Variants in HTR1E observed in about 807,000 individuals in gnomAD.
The protein encoded by HTR1E is 5-hydroxytryptamine receptor 1E, also known as 5-HT-1E.
HTR1E carries 3 observed loss-of-function variants against 3.4 expected under a neutral mutation model. The ratio of observed to expected loss-of-function variants is 0.89; its 90% confidence interval spans 0.41 to 2.31. HTR1E has a LOEUF of 2.31. HTR1E is among the 30% of genes most tolerant of loss of function. HTR1E has a pLI of 0.05. For synonymous variants in HTR1E, 170 were observed against 182.8 expected, an observed-to-expected ratio of 0.93 and a Z score of 0.56; for missense variants, 392 against 467.0, an observed-to-expected ratio of 0.84 and a Z score of 1.48.
chr6:87,015,350 T>C lies in HTR1E; in HGVS notation c.16T>C (p.Cys6Arg). The C allele has an allele frequency of 6.4e-7, 1 of 1,562,306 alleles. No homozygotes were observed. The highest frequency in any genetic ancestry group is 8.7e-7 in the Non-Finnish European group (1 of 1,150,126). The change falls in exon 2 of 2, where the codon TGT becomes CGT. Residue 6 changes from cysteine (C) to arginine (R), a missense_variant. By Grantham distance (180) the Cys-to-Arg change is radical. This residue lies in a region of HTR1E where 189 missense variants were observed against 258.0 expected (regional missense o/e 0.73). Coordinates refer to ENST00000305344, the MANE Select transcript of HTR1E (RefSeq NM_000865.3). MNITN[C>R]TTEASMAIRP... ...CAAGGGAAACATGAACATCACAAAC[T>C]GTACCACAGAGGCCAGCATGGCTAT...
intron 1 of HTR1E, among the ~76,000 whole-genome samples, chr6:86,972,277 A>T (rs1024573343): frequency 3.3e-5 from 5 of 152,136 alleles, no homozygotes; most frequent in Non-Finnish European, 7.4e-5. Context: ...AAAATTCTTT[A>T]TGCATTTTTT....
intron 1 of HTR1E, among the ~76,000 whole-genome samples, chr6:86,949,696 G>T (rs1056539698): frequency 3.3e-5 from 5 of 151,744 alleles, no homozygotes; most frequent in African/African-American, 1.2e-4. Context: ...TAAAAATTAT[G>T]ATTTTTATTA....
chr6:86,955,871 A>G (rs1562060505), intron 1 of HTR1E, among the ~76,000 whole-genome samples: 1 of 152,070 alleles, frequency 6.6e-6, no homozygotes, highest in Non-Finnish European at 1.5e-5. Flanking sequence ...ATTGTAAACC[A>G]AAAATAAAAT....
At chr6:86,977,493 T>C (rs1161033190) in intron 1 of HTR1E, among the ~76,000 whole-genome samples, 1 of 152,156 alleles carries the variant, frequency 6.6e-6, no homozygotes, top group Non-Finnish European at 1.5e-5. Context: ...GAAATGAACA[T>C]ATGAGTGCAT....
At chr6:86,987,858 G>C (rs139991838) in intron 1 of HTR1E, among the ~76,000 whole-genome samples, 39 of 152,096 alleles carry the variant, frequency 2.6e-4, no homozygotes, top group African/African-American at 9.2e-4. Flanking sequence ...CTTTTATAAG[G>C]GTCTTAATCT....
chr6:86,993,035 A>C (rs1767892187), intron 1 of HTR1E, among the ~76,000 whole-genome samples: 2 of 152,024 alleles, frequency 1.3e-5, no homozygotes, highest in Non-Finnish European at 2.9e-5. Context: ...CTCTCCATCC[A>C]ATAGCTAGAT....
chr6:86,949,864 A>C (rs1244529134), intron 1 of HTR1E, among the ~76,000 whole-genome samples: 1 of 152,182 alleles, frequency 6.6e-6, no homozygotes, highest in Non-Finnish European at 1.5e-5. Context: ...CTATTAAACC[A>C]GTTGCTCTTT....
At chr6:86,980,481 C>T (rs944563836) in intron 1 of HTR1E, among the ~76,000 whole-genome samples, 3 of 151,908 alleles carry the variant, frequency 2.0e-5, no homozygotes, top group African/African-American at 7.3e-5. Flanking sequence ...AACTCAGACA[C>T]GGCCCATATA....
chr6:87,016,435 T>C lies in HTR1E; in HGVS notation c.*3T>C, dbSNP rs371136067. 21 of 1,576,356 alleles carry C rather than the reference T, an allele frequency of 1.3e-5. 1 individual carries two copies. The highest frequency in any genetic ancestry group is 2.7e-5 in the African/African-American group (2 of 73,502). ...TTAGATGCCGAGAGCATACTTAGACTGTAAAAAGCTAAAAGGCACGACTTT... is the reference window on the plus strand; with the variant it reads ...TTAGATGCCGAGAGCATACTTAGACCGTAAAAAGCTAAAAGGCACGACTTT... On this transcript the variant is annotated 3_prime_UTR_variant, in exon 2 of 2. Coordinates refer to ENST00000305344, the MANE Select transcript of HTR1E (RefSeq NM_000865.3).
intron 1 of HTR1E, among the ~76,000 whole-genome samples, chr6:87,011,849 G>A (rs1468384793): frequency 6.6e-6 from 1 of 152,096 alleles, no homozygotes; most frequent in Non-Finnish European, 1.5e-5. Flanking sequence ...CTTTTAATAG[G>A]TGGCTGAAAG....
intron 1 of HTR1E, among the ~76,000 whole-genome samples, chr6:86,965,521 G>T (rs56156206): frequency 1.3e-5 from 2 of 151,914 alleles, no homozygotes; most frequent in African/African-American, 2.4e-5. Flanking sequence ...GAGTCATCAA[G>T]AGTTTGTAGA....
At chr6:86,938,338 C>T (rs946165416) in intron 1 of HTR1E, among the ~76,000 whole-genome samples, 1 of 152,110 alleles carries the variant, frequency 6.6e-6, no homozygotes, top group Admixed American at 6.5e-5. Flanking sequence ...AAACAAAATG[C>T]CCAGGTGTGG....
At chr6:86,943,621 G>A (rs148237101) in intron 1 of HTR1E, among the ~76,000 whole-genome samples, 1 of 152,290 alleles carries the variant, frequency 6.6e-6, no homozygotes, top group African/African-American at 2.4e-5. Context: ...CTACTAGGGG[G>A]TAACACAGCA....
chr6:86,994,369 T>C (rs558160841), intron 1 of HTR1E, among the ~76,000 whole-genome samples: 2 of 152,104 alleles, frequency 1.3e-5, no homozygotes, highest in Admixed American at 6.5e-5. Context: ...ACAAAAAATC[T>C]TGCAGCTGTG....
chr6:86,945,606 T>C (rs1768605140), intron 1 of HTR1E, among the ~76,000 whole-genome samples: 1 of 152,148 alleles, frequency 6.6e-6, no homozygotes, highest in South Asian at 2.1e-4. Flanking sequence ...GTTTATAAAA[T>C]AATGTTATAA....
intron 1 of HTR1E, among the ~76,000 whole-genome samples, chr6:87,006,283 T>G (rs549967692): frequency 6.6e-6 from 1 of 152,212 alleles, no homozygotes; most frequent in African/African-American, 2.4e-5. Context: ...TGCACTCCCA[T>G]GTTTATTGCA....
chr6:87,005,100 A>C (rs1768081904), intron 1 of HTR1E, among the ~76,000 whole-genome samples: 2 of 152,226 alleles, frequency 1.3e-5, no homozygotes, highest in South Asian at 4.1e-4. Flanking sequence ...GACACAAAAA[A>C]GTGAAAAGAT....
intron 1 of HTR1E, among the ~76,000 whole-genome samples, chr6:86,979,476 T>C (rs1767682064): frequency 6.6e-6 from 1 of 152,214 alleles, no homozygotes; most frequent in South Asian, 2.1e-4. Flanking sequence ...ATAAGACGTA[T>C]TTTTTAAGTT....
rs567780620 is a variant in HTR1E, at chr6:87,016,312, C to T, written c.978C>T (p.Ala326=). The T allele has an allele frequency of 1.5e-5, 24 of 1,614,116 alleles. No individual in the cohort carries two copies. Among genetic ancestry groups the T allele is most frequent in the East Asian group, 1.1e-4 (5 of 44,880 alleles). ...LSIYTVSSEV[A]DFLTWLGYVN... ...TCTACACCGTGTCCTCGGAAGTGGCCGACTTTCTGACGTGGCTCGGTTATG... is the reference window on the plus strand; with the variant it reads ...TCTACACCGTGTCCTCGGAAGTGGCTGACTTTCTGACGTGGCTCGGTTATG... The change falls in exon 2 of 2, where the codon GCC becomes GCT. Residue 326 remains alanine (A), a synonymous_variant. Coordinates refer to ENST00000305344, the MANE Select transcript of HTR1E (RefSeq NM_000865.3).
Sources: allele counts gnomAD v4.1 joint callset (sites outside exome capture counted in the v4.1 genomes callset), GRCh38; gene constraint gnomAD v4.1.1; regional missense constraint gnomAD v4.1.1; transcripts MANE v1.5; gene names NCBI Gene and HGNC (gene_info 2026-07-23, HGNC 2026-07-21).